The following SLIT1 variants were observed in gnomAD, a reference collection of about 807,000 sequenced individuals.
The protein encoded by SLIT1 is slit guidance ligand 1, also known as slit homolog 1 protein.
A neutral mutation model predicts 186.1 loss-of-function variants in SLIT1; 66 were observed. The ratio of observed to expected loss-of-function variants is 0.35; its 90% CI spans 0.29 to 0.44. SLIT1 has a LOEUF of 0.44. Ranked by LOEUF, SLIT1 falls within the 20% of genes least tolerant of loss-of-function variation. The pLI is 1.00. For synonymous variants in SLIT1, 761 were observed against 833.8 expected (o/e 0.91, Z 1.50); for missense variants, 1,638 against 2,037.4 (o/e 0.80, Z 3.77).
intron 4 of SLIT1, among the ~76,000 whole-genome samples, chr10:97,120,555 C>CGT (rs993316111): frequency 1.3e-5 from 2 of 152,220 alleles, no homozygotes; most frequent in Non-Finnish European, 2.9e-5. Context: ...TGCTTCACAC[C>CGT]GTGTGCACGG....
At chr10:97,155,270 C>T (rs1849934487) in intron 4 of SLIT1, 1 of 152,420 alleles carries the variant, frequency 6.6e-6, no homozygotes, top group African/African-American at 2.4e-5. Flanking sequence ...TGACCCTTGA[C>T]TTTCTGCTTC....
chr10:97,008,461 G>A (rs1397811836), intron 31 of SLIT1, among the ~76,000 whole-genome samples: 2 of 152,314 alleles, frequency 1.3e-5, no homozygotes, highest in African/African-American at 4.8e-5. Flanking sequence ...TTGGGAGGCC[G>A]AGGTGGGTGG....
chr10:97,047,928 C>T, intron 15 of SLIT1, 45 bp downstream of exon 15: 1 of 1,613,676 alleles, frequency 6.2e-7, no homozygotes. Context: ...CCACCCACTA[C>T]CACCATTCCC....
chr10:97,117,150 G>A (rs544167925), intron 4 of SLIT1, among the ~76,000 whole-genome samples: 20 of 152,184 alleles, frequency 1.3e-4, no homozygotes, highest in Non-Finnish European at 2.2e-4. Flanking sequence ...GTGTTTCTAC[G>A]AGCAGAGACT....
intron 4 of SLIT1, among the ~76,000 whole-genome samples, chr10:97,104,062 T>C (rs1589395161): frequency 6.6e-6 from 1 of 151,132 alleles, no homozygotes; most frequent in Non-Finnish European, 1.5e-5. Flanking sequence ...TTCTGTGGGG[T>C]AGCGGGTGGA....
intron 1 of SLIT1, among the ~76,000 whole-genome samples, chr10:97,168,536 T>C (rs1044061510): frequency 3.9e-5 from 6 of 152,214 alleles, no homozygotes; most frequent in African/African-American, 1.4e-4. Context: ...TTCCACAACG[T>C]CATACACTGT....
intron 13 of SLIT1, among the ~76,000 whole-genome samples, chr10:97,054,987 G>A (rs1848823734): frequency 6.6e-6 from 1 of 152,184 alleles, no homozygotes. Context: ...GGAGGCCGAG[G>A]CAGGTGGATC....
At chr10:97,070,660 C>T (rs930550847) in intron 4 of SLIT1, among the ~76,000 whole-genome samples, 28 of 152,140 alleles carry the variant, frequency 1.8e-4, no homozygotes, top group African/African-American at 6.8e-4. Flanking sequence ...CTGCCTTGCC[C>T]CTTCCTCCGT....
At chr10:97,076,791 G>A (rs1849049854) in intron 4 of SLIT1, among the ~76,000 whole-genome samples, 1 of 152,222 alleles carries the variant, frequency 6.6e-6, no homozygotes. Context: ...TTCTCAGTGT[G>A]AATCTGTTTG....
At chr10:97,122,813 C>T (rs909071253) in intron 4 of SLIT1, among the ~76,000 whole-genome samples, 6 of 152,102 alleles carry the variant, frequency 3.9e-5, no homozygotes, top group Non-Finnish European at 7.4e-5. Context: ...TTAGAAAGTC[C>T]GTCCTAGAGC....
At chr10:97,060,034 G>A in intron 10 of SLIT1, 53 bp downstream of exon 10, 3 of 1,481,206 alleles carry the variant, frequency 2.0e-6, no homozygotes, top group Non-Finnish European at 2.8e-6. Context: ...GGACCACCCA[G>A]GATCTCCGTC....
At chr10:97,057,411 T>C (rs1848850776) in intron 11 of SLIT1, 130 bp from the exon 12 acceptor site, 2 of 647,256 alleles carry the variant, frequency 3.1e-6, no homozygotes, top group Non-Finnish European at 2.7e-6. Flanking sequence ...TAATGGTGTA[T>C]ATTTGTTATA....
intron 4 of SLIT1, among the ~76,000 whole-genome samples, chr10:97,141,263 T>C (rs1849754749): frequency 6.6e-6 from 1 of 152,180 alleles, no homozygotes; most frequent in African/African-American, 2.4e-5. Flanking sequence ...CAGAACAACA[T>C]CCACTTCCAC....
intron 21 of SLIT1, among the ~76,000 whole-genome samples, chr10:97,039,051 G>A (rs1235611234): frequency 6.6e-6 from 1 of 152,182 alleles, no homozygotes; most frequent in Non-Finnish European, 1.5e-5. Flanking sequence ...GTGAAGACGG[G>A]GCAGGCCAGG....
At chr10:97,115,505 G>T (rs1849501004) in intron 4 of SLIT1, among the ~76,000 whole-genome samples, 1 of 152,108 alleles carries the variant, frequency 6.6e-6, no homozygotes, top group Non-Finnish European at 1.5e-5. Context: ...AATGTTCTCT[G>T]GAGATGAGAA....
intron 23 of SLIT1, among the ~76,000 whole-genome samples, chr10:97,033,172 C>T (rs1007525163): frequency 1.3e-5 from 2 of 152,040 alleles, no homozygotes; most frequent in African/African-American, 4.8e-5. Flanking sequence ...CCTCAGCCCC[C>T]CAAGTAGCTG....
chr10:97,141,351 C>T (rs1205934088), intron 4 of SLIT1, among the ~76,000 whole-genome samples: 1 of 152,210 alleles, frequency 6.6e-6, no homozygotes, highest in African/African-American at 2.4e-5. Context: ...AAATTACTCT[C>T]AGGGTTCCTC....
intron 4 of SLIT1, among the ~76,000 whole-genome samples, chr10:97,092,290 A>G (rs1203447404): frequency 6.6e-6 from 1 of 152,252 alleles, no homozygotes; most frequent in Non-Finnish European, 1.5e-5. Flanking sequence ...TCCTGCTTTG[A>G]GAGACTGTCT....
intron 4 of SLIT1, among the ~76,000 whole-genome samples, chr10:97,097,622 C>G (rs535317717): frequency 6.6e-6 from 1 of 152,316 alleles, no homozygotes; most frequent in African/African-American, 2.4e-5. Context: ...AGCAAACAAT[C>G]TAAAACTTTT....
Sources: gnomAD v4.1 joint callset for allele counts (sites outside exome capture counted in the v4.1 genomes callset) on GRCh38, gnomAD v4.1.1 for gene constraint, MANE v1.5 for transcripts, NCBI Gene and HGNC (gene_info 2026-07-23, HGNC 2026-07-21) for gene names.